CUBN: variants seen among roughly 807,000 people sequenced by gnomAD.
CUBN encodes 460 kDa receptor.
CUBN carries 282 observed loss-of-function variants against 405.3 expected under a neutral mutation model. The ratio of observed to expected loss-of-function variants is 0.70; its 90% CI spans 0.63 to 0.77. The LOEUF (loss-of-function observed/expected upper bound fraction) is 0.77. Among genes scored for constraint, CUBN ranks in the 30% least tolerant of loss-of-function variants. The pLI is 0.00. For missense variants in CUBN, 4,514 were observed against 4,475.2 expected (o/e 1.01, Z -0.25); for synonymous variants, 1,684 against 1,617.0 (o/e 1.04, Z -0.99).
chr10:16,975,086 C>T (rs1341307789), intron 31 of CUBN, among the ~76,000 whole-genome samples: 2 of 152,128 alleles, frequency 1.3e-5, no homozygotes, highest in Admixed American at 6.5e-5. Flanking sequence ...AGCAGGGGGC[C>T]AATGACCCTA....
At chr10:16,943,437 T>A (rs79109199) in intron 36 of CUBN, among the ~76,000 whole-genome samples, 1 of 43,046 alleles carries the variant, frequency 2.3e-5, no homozygotes, top group Non-Finnish European at 3.9e-5. Flanking sequence ...ATCTTCAATC[T>A]TTTTTTTATT....
rs1302714854 is a variant in CUBN at position 16,915,023 on chromosome 10, T to G, written c.7351+9A>C. The G allele has an allele frequency of 1.2e-6, 2 of 1,612,950 alleles. No homozygotes were observed. The highest frequency in any genetic ancestry group is 1.1e-5 in the South Asian group (1 of 91,056). ...CTCAATGTTGTGTTGAATGAATCAA[T>G]GAACTCACCTTCCATACTGGATTCA... On this transcript the variant is annotated intron_variant, in intron 47 of 66. Coordinates refer to ENST00000377833, the MANE Select transcript of CUBN (RefSeq NM_001081.4).
At chr10:16,869,987 T>C (rs1486511801) in intron 58 of CUBN, 134 bp from the exon 59 acceptor site, 1 of 729,254 alleles carries the variant, frequency 1.4e-6, no homozygotes, top group Non-Finnish European at 2.5e-6. Context: ...TATGAAATAT[T>C]AGAAATCAAA....
chr10:16,993,997 G>C (rs1016279449), intron 28 of CUBN, among the ~76,000 whole-genome samples: 1 of 152,146 alleles, frequency 6.6e-6, no homozygotes, highest in African/African-American at 2.4e-5. Context: ...TGCAAAATAG[G>C]ATAGATTAAT....
rs1248790778 is a variant in CUBN at position 17,071,572 on chromosome 10, T to C, written c.2479A>G (p.Ile827Val). ...CGDELTGEGV[I>V]RSPFFPNVYP... ...ACGTTAGGAAAAAAAGGCGAGCGAATGACCCCTTCTCCAGTTAATTCATCC... is the reference window on the plus strand; with the variant it reads ...ACGTTAGGAAAAAAAGGCGAGCGAACGACCCCTTCTCCAGTTAATTCATCC... The change falls in exon 19 of 67, where the codon ATT becomes GTT. Residue 827 changes from isoleucine (I) to valine (V), a missense_variant. This residue lies in a region of CUBN where 1,448 missense variants were observed against 1,388.0 expected (regional missense o/e 1.04). Coordinates refer to ENST00000377833, the MANE Select transcript of CUBN (RefSeq NM_001081.4). 6.2e-7 allele frequency: 1 copy of C among 1,613,824 alleles called. No homozygotes were observed. Among genetic ancestry groups the C allele is most frequent in the African/African-American group, 1.3e-5 (1 of 75,024 alleles).
intron 59 of CUBN, among the ~76,000 whole-genome samples, chr10:16,857,885 G>A (rs1398410916): frequency 6.6e-6 from 1 of 152,100 alleles, no homozygotes; most frequent in Non-Finnish European, 1.5e-5. Context: ...TTCCACTTTT[G>A]CAAGTAACTA....
intron 22 of CUBN, among the ~76,000 whole-genome samples, chr10:17,059,107 G>A (rs1378585036): frequency 4.6e-5 from 6 of 131,808 alleles, no homozygotes; most frequent in Admixed American, 4.2e-4. Flanking sequence ...TTTTCTCTCT[G>A]ACCAACCTCA....
chr10:17,040,633 AAAC>A (rs1488616153), intron 27 of CUBN, among the ~76,000 whole-genome samples: 9 of 152,316 alleles, frequency 5.9e-5, no homozygotes, highest in Admixed American at 1.3e-4. Flanking sequence ...TTAAAAATAA[AAAC>A]AACAATTAAA....
intron 34 of CUBN, 148 bp from the exon 35 acceptor site, chr10:16,948,754 G>T: frequency 1.1e-6 from 1 of 909,892 alleles, no homozygotes. Flanking sequence ...CAGGGTCAAT[G>T]TTTGAGACAA....
chr10:16,905,529 G>C (rs1841529294), intron 50 of CUBN, among the ~76,000 whole-genome samples: 3 of 152,088 alleles, frequency 2.0e-5, no homozygotes, highest in Admixed American at 1.3e-4. Context: ...AATCCTGGAA[G>C]TTCAGGAAAC....
intron 39 of CUBN, 88 bp downstream of exon 39, chr10:16,937,504 T>C: frequency 1.8e-6 from 2 of 1,127,688 alleles, no homozygotes; most frequent in Non-Finnish European, 2.6e-6. Flanking sequence ...CTTATTTTTA[T>C]ATCTGACCCC....
chr10:16,885,679 A>C (rs1315327827), intron 56 of CUBN, among the ~76,000 whole-genome samples: 1 of 152,130 alleles, frequency 6.6e-6, no homozygotes, highest in Non-Finnish European at 1.5e-5. Flanking sequence ...GTCTCAGGTC[A>C]TGATAGAGTC....
chr10:17,062,838 G>T (rs1835531484), intron 22 of CUBN, among the ~76,000 whole-genome samples: 1 of 152,186 alleles, frequency 6.6e-6, no homozygotes, highest in South Asian at 2.1e-4. Flanking sequence ...CAACATTACT[G>T]CTCTGGAAAT....
At chr10:17,071,136 T>C (rs528845112) in intron 19 of CUBN, among the ~76,000 whole-genome samples, 1 of 152,118 alleles carries the variant, frequency 6.6e-6, no homozygotes, top group South Asian at 2.1e-4. Context: ...GATCATGGAG[T>C]TTTTGTTCTT....
chr10:16,969,512 A>G (rs192261492), intron 31 of CUBN, among the ~76,000 whole-genome samples: 3,570 of 151,904 alleles, frequency 0.024, 161 homozygotes, highest in African/African-American at 0.082. Flanking sequence ...GCACCACAAA[A>G]CCCAGCTAAT....
rs778359046 is a variant in CUBN, at chr10:17,068,713, T to C, written c.2683A>G (p.Ile895Val). ...TACACAGATGTTATAAATGAAGGTA[T>C]GTCTGTACCGCAATACTTTTTATTT... Reference protein sequence around the residue: ...PENKKYCGTDIPSFITSVYNF... With the variant: ...PENKKYCGTDVPSFITSVYNF... Residue 895 changes from isoleucine (I) to valine (V), a missense_variant, in exon 20 of 67, where the codon ATA (isoleucine) becomes GTA (valine). This residue lies in a region of CUBN where 1,448 missense variants were observed against 1,388.0 expected (regional missense o/e 1.04). Transcript: ENST00000377833. 1.9e-6 allele frequency: 3 copies of C among 1,612,394 alleles called. No homozygotes were observed. The South Asian group carries it at 3.3e-5, about 18-fold the overall frequency.
intron 22 of CUBN, 55 bp from the exon 23 acceptor site, chr10:17,047,658 A>C (rs920506134): frequency 3.2e-5 from 46 of 1,445,636 alleles, no homozygotes; most frequent in Admixed American, 2.0e-4. Context: ...ATATGTTTAT[A>C]ATACATCCAG....
chr10:16,948,438 T>A, intron 35 of CUBN, 40 bp downstream of exon 35: 1 of 1,612,398 alleles, frequency 6.2e-7, no homozygotes, highest in South Asian at 1.1e-5. Context: ...TTCTACCACA[T>A]CCCTTTTAAC....
At chr10:16,966,022 TTGAGAGACCATGATTCTG>T (rs1843382246) in intron 31 of CUBN, 1 of 470,320 alleles carries the variant, frequency 2.1e-6, no homozygotes, top group African/African-American at 2.0e-5. Flanking sequence ...AGTTAGAATG[TTGAGAGACCATGATTCTG>T]TGAAGCTAAG....
Sources: gnomAD v4.1 joint callset for allele counts (sites outside exome capture counted in the v4.1 genomes callset) on GRCh38, gnomAD v4.1.1 for gene constraint, gnomAD v4.1.1 regional missense constraint, MANE v1.5 for transcripts, NCBI Gene and HGNC (gene_info 2026-07-23, HGNC 2026-07-21) for gene names.